CDK11A: variants seen among roughly 807,000 people sequenced by gnomAD.
CDK11A encodes cyclin dependent kinase 11A.
Under a neutral mutation model 83.6 loss-of-function variants are expected in CDK11A, and 55 were observed. The ratio of observed to expected loss-of-function variants is 0.66; its 90% CI spans 0.53 to 0.82. The LOEUF (loss-of-function observed/expected upper bound fraction) is 0.82. Among genes scored for constraint, CDK11A ranks in the 40% least tolerant of loss-of-function variants. The pLI, the probability that CDK11A is intolerant of heterozygous loss-of-function variation, is 0.00. For missense variants in CDK11A, 564 were observed against 810.1 expected (o/e 0.70, Z 3.69); for synonymous variants, 247 against 302.7 (o/e 0.82, Z 1.91).
chr1:1,705,821 G>A lies in CDK11A; in HGVS notation c.1246-89C>T, dbSNP rs1182973671. ...TCCACAGGCACGGCACACCCAGCAC[G>A]GGGCAGGTGCAGGGCAGAGCCTTGG... On this transcript the variant is annotated intron_variant, in intron 11 of 19. Transcript: ENST00000404249. 6.0e-6 allele frequency: 3 copies of A among 496,520 alleles called. 1 individual carries two copies. Among genetic ancestry groups the A allele is most frequent in the Non-Finnish European group, 1.0e-5 (3 of 293,592 alleles). The allele number at this position is 496,520 out of a possible 1,614,324, so 30.8% of individuals were successfully genotyped here. A position where few individuals can be genotyped will look rare whatever the true frequency, so the allele number is the denominator to read the frequency against.
chr1:1,720,068 C>CTTATTTATTTAATTTAATTTTAT (rs1644846259), intron 3 of CDK11A, among the ~76,000 whole-genome samples: 1 of 150,654 alleles, frequency 6.6e-6, no homozygotes, highest in Admixed American at 6.7e-5. Context: ...TACATCACAT[C>CTTATTTATTTAATTTAATTTTAT]TTATTTATTT....
Position 1,716,334 on chromosome 1 carries a change from C to T in CDK11A, c.488+12G>A, listed in dbSNP as rs1644642913. ...CCTTTCATAAAGTCCTCAACTGACC[C>T]AGCCCACTCACCTTTCTCTCCTGGA... is the stretch of plus-strand genomic sequence containing the variant. On this transcript the variant is annotated intron_variant, in intron 5 of 19. Coordinates refer to ENST00000404249, the MANE Select transcript of CDK11A (RefSeq NM_024011.4). 2 of 1,608,170 alleles carry T rather than the reference C, an allele frequency of 1.2e-6. No individual in the cohort carries two copies. The highest frequency in any genetic ancestry group is 2.7e-5 in the African/African-American group (2 of 74,574).
intron 4 of CDK11A, among the ~76,000 whole-genome samples, chr1:1,718,545 G>A (rs932557008): frequency 1.3e-5 from 2 of 149,940 alleles, no homozygotes; most frequent in African/African-American, 2.5e-5. Context: ...TCTGGTTTTC[G>A]GTCTGTGACA....
intron 12 of CDK11A, among the ~76,000 whole-genome samples, 186 bp from the exon 13 acceptor site, chr1:1,705,211 G>A (rs1243930823): frequency 4.0e-5 from 5 of 123,584 alleles, no homozygotes; most frequent in Non-Finnish European, 6.0e-5. Flanking sequence ...CAACACCCAC[G>A]GCTTCCCACT....
chr1:1,717,443 G>A (rs941304174), intron 4 of CDK11A, among the ~76,000 whole-genome samples: 4 of 151,172 alleles, frequency 2.6e-5, no homozygotes, highest in Non-Finnish European at 5.9e-5. Context: ...CCATTCTTTG[G>A]ACTTGAGCAA....
At chr1:1,704,017 C>T (rs1644198181) in intron 16 of CDK11A, 22 bp downstream of exon 16, 2 of 1,600,018 alleles carry the variant, frequency 1.2e-6, no homozygotes, top group African/African-American at 1.3e-5. Flanking sequence ...ACAGGGGAGG[C>T]ACTCAGACGC....
At position 1,705,013 on chromosome 1, in the gene CDK11A, GC is replaced by G; in HGVS notation, c.1348del (p.Ala450LeufsTer2). 6.3e-7 allele frequency: 1 copy of G among 1,596,506 alleles called. No individual in the cohort carries two copies. The highest frequency in any genetic ancestry group is 8.5e-7 in the Non-Finnish European group (1 of 1,173,716). Reference protein sequence around the residue: ...AKDKKTDEIVALKRLKMEKEK... With the variant: ...AKDKKTDEIVXLKRLKMEKEK... ...CTTCTCCATCTTCAGCCGCTTTAGAGCCACAATTTCATCTGTGAAGAAAATA... is the reference window on the plus strand; with the variant it reads ...CTTCTCCATCTTCAGCCGCTTTAGAGCACAATTTCATCTGTGAAGAAAATA... On this transcript the variant is annotated frameshift_variant, in exon 13 of 20. Transcript: ENST00000404249. LOFTEE classifies it high-confidence loss of function.
In CDK11A at chr1:1,703,489, C is replaced by T. The variant is rs368698821; in HGVS notation, c.2047G>A (p.Asp683Asn). Reference sequence around the variant, plus strand: ...CACTGGGCTCACTTGTTCATGAGGTCGAAGCCCTGGTCTGAGAGCAGAGCC... The same window carrying T: ...CACTGGGCTCACTTGTTCATGAGGTTGAAGCCCTGGTCTGAGAGCAGAGCC... ...FGALLSDQGF[D>N]LMNKFLTYFP... The change falls in exon 18 of 20, where the codon GAC (aspartate) becomes AAC (asparagine). Residue 683 changes from aspartate (D) to asparagine (N), a missense_variant. Transcript: ENST00000404249. 2.7e-4 allele frequency: 415 copies of T among 1,526,524 alleles called. 19 individuals are homozygous for T. The highest frequency in any genetic ancestry group is 1.1e-3 in the Admixed American group (57 of 50,232). The allele number at this position is 1,526,524 out of a possible 1,614,324, so 94.6% of individuals were successfully genotyped here. A position where few individuals can be genotyped will look rare whatever the true frequency, so the allele number is the denominator to read the frequency against.
At chr1:1,719,133 G>T in intron 4 of CDK11A, 195 bp downstream of exon 4, 1 of 390,198 alleles carries the variant, frequency 2.6e-6, no homozygotes, top group Non-Finnish European at 4.5e-6. Flanking sequence ...TAGCCCCTCT[G>T]AATGGTCTGT....
At position 1,708,474 on chromosome 1, in the gene CDK11A, C is replaced by T. The variant is rs144779393; in HGVS notation, c.1004-229G>A. Among the ~76,000 whole-genome samples, 21 of 135,262 alleles carry T rather than the reference C, an allele frequency of 1.6e-4. 1 individual carries two copies. Among genetic ancestry groups the T allele is most frequent in the African/African-American group, 4.8e-4 (17 of 35,398 alleles). The allele number at this position is 135,262 out of a possible 152,430, so 88.7% of individuals were successfully genotyped here. A position where few individuals can be genotyped will look rare whatever the true frequency, so the allele number is the denominator to read the frequency against. On this transcript the variant is annotated intron_variant, in intron 9 of 19. Transcript: ENST00000404249. ...TGGCCAACGTGGTGAAACCCCGTCTCGACTAAAAATACAAAAATTATCCGG... is the reference window on the plus strand; with the variant it reads ...TGGCCAACGTGGTGAAACCCCGTCTTGACTAAAAATACAAAAATTATCCGG...
At position 1,703,208 on chromosome 1, in the gene CDK11A, A is replaced by T; in HGVS notation, c.2122T>A (p.Phe708Ile). 1 of 434,030 alleles carries T rather than the reference A, an allele frequency of 2.3e-6. No individual in the cohort carries two copies. The highest frequency in any genetic ancestry group is 3.8e-6 in the Non-Finnish European group (1 of 263,132). 26.9% of individuals were successfully genotyped at this position (434,030 alleles called of 1,614,324 possible). A position where few individuals can be genotyped will look rare whatever the true frequency, so the allele number is the denominator to read the frequency against. ...SAEDGLKHEY[F>I]RETPLPIDPS... ...TCGATGGGGAGGGGGGTCTCGCGGA[A>T]ATACTCATGCTTGAGGCCGTCCTCA... is the stretch of plus-strand genomic sequence containing the variant. The change falls in exon 19 of 20, where the codon TTC (phenylalanine) becomes ATC (isoleucine). Residue 708 changes from phenylalanine (F) to isoleucine (I), a missense_variant. This residue lies in a region of CDK11A where 361 missense variants were observed against 402.7 expected (regional missense o/e 0.90). Coordinates refer to ENST00000404249, the MANE Select transcript of CDK11A (RefSeq NM_024011.4).
intron 2 of CDK11A, among the ~76,000 whole-genome samples, chr1:1,722,088 C>T (rs1644927035): frequency 6.6e-6 from 1 of 150,570 alleles, no homozygotes; most frequent in Non-Finnish European, 1.5e-5. Context: ...CCCTGGGCGA[C>T]AGTGCGAGAT....
rs1644136727 is a variant in CDK11A, at chr1:1,702,862, G to C, written c.*45C>G. 3.2e-6 allele frequency: 1 copy of C among 316,640 alleles called. No individual in the cohort carries two copies. The highest frequency in any genetic ancestry group is 5.9e-5 in the Admixed American group (1 of 16,816). The allele number at this position is 316,640 out of a possible 1,614,324, so 19.6% of individuals were successfully genotyped here. A position where few individuals can be genotyped will look rare whatever the true frequency, so the allele number is the denominator to read the frequency against. ...AGCTCCAGCCGCAGTAGCCACGCCT[G>C]TGGTCCCGGCTGAGTTCTCCCCATG... On this transcript the variant is annotated 3_prime_UTR_variant, in exon 20 of 20. Coordinates refer to ENST00000404249, the MANE Select transcript of CDK11A (RefSeq NM_024011.4).
At position 1,704,031 on chromosome 1, in the gene CDK11A, G is replaced by C. The variant is rs1369273512; in HGVS notation, c.1794+8C>G. On this transcript the variant is annotated splice_region_variant and intron_variant, in intron 16 of 19. Coordinates refer to ENST00000404249, the MANE Select transcript of CDK11A (RefSeq NM_024011.4). ...GACAGGGGAGGCACTCAGACGCCCA[G>C]GACTCACCTTGGCACCAAGCAGCAG... The C allele has an allele frequency of 1.3e-6, 2 of 1,597,962 alleles. No individual in the cohort carries two copies. The highest frequency in any genetic ancestry group is 1.7e-6 in the Non-Finnish European group (2 of 1,170,312).
At position 1,704,940 on chromosome 1, in the gene CDK11A, G is replaced by T; in HGVS notation, c.1422C>A (p.Ile474=). 3 of 1,597,254 alleles carry T rather than the reference G, an allele frequency of 1.9e-6. No individual in the cohort carries two copies. The highest frequency in any genetic ancestry group is 2.6e-6 in the Non-Finnish European group (3 of 1,172,948). ...CAATGTTGGGATGCTGGGCCTTGAG[G>T]ATGGTGTTGATCTCCCTCAGGGACG... ...PITSLREINT[I]LKAQHPNIVT... is the part of the protein sequence containing the mutation. The change falls in exon 13 of 20, where the codon ATC becomes ATA. Residue 474 remains isoleucine, a synonymous_variant. Transcript: ENST00000404249.
chr1:1,719,348 T>C lies in CDK11A; in HGVS notation c.335A>G (p.His112Arg), dbSNP rs1137003. 15 of 1,531,878 alleles carry C rather than the reference T, an allele frequency of 9.8e-6. 1 individual carries two copies. Among genetic ancestry groups the C allele is most frequent in the Middle Eastern group, 1.7e-4 (1 of 5,810 alleles). 94.9% of individuals were successfully genotyped at this position (1,531,878 alleles called of 1,614,324 possible). ...TGTACCCCCTTCTGCTGAATGGCTA[T>C]GATGCCTACATTTTTCTTTTCTCTT... ...DEKRKEKCRH[H>R]SHSAEGGKHA... The change falls in exon 4 of 20, where the codon CAT (histidine) becomes CGT (arginine). Residue 112 changes from histidine (H) to arginine (R), a missense_variant. This residue lies in a region of CDK11A where 151 missense variants were observed against 147.4 expected (regional missense o/e 1.02). Transcript: ENST00000404249.
rs1187499032 is a variant in CDK11A at position 1,705,795 on chromosome 1, G to A, written c.1246-63C>T. On this transcript the variant is annotated intron_variant, in intron 11 of 19. Transcript: ENST00000404249. ...TGCCAGCTGGAGGGAGGGCGGCTGC[G>A]TCCACAGGCACGGCACACCCAGCAC... is the stretch of plus-strand genomic sequence containing the variant. 16 of 523,264 alleles carry A rather than the reference G, an allele frequency of 3.1e-5. 3 individuals carry two copies. Among genetic ancestry groups the A allele is most frequent in the Admixed American group, 5.7e-5 (2 of 34,858 alleles). The allele number at this position is 523,264 out of a possible 1,614,324, so 32.4% of individuals were successfully genotyped here.
chr1:1,708,475 G>A (rs1570392171), intron 9 of CDK11A, among the ~76,000 whole-genome samples: 1 of 137,350 alleles, frequency 7.3e-6, no homozygotes, highest in East Asian at 2.0e-4. Context: ...ACCCCGTCTC[G>A]ACTAAAAATA....
intron 10 of CDK11A, among the ~76,000 whole-genome samples, chr1:1,707,826 A>C (rs2101188239): frequency 7.3e-6 from 1 of 136,954 alleles, no homozygotes. Context: ...GGACAAGCCC[A>C]CATCCACGTC....
Sources: allele counts gnomAD v4.1 joint callset (sites outside exome capture counted in the v4.1 genomes callset), GRCh38; gene constraint gnomAD v4.1.1; regional missense constraint gnomAD v4.1.1; transcripts MANE v1.5; gene names NCBI Gene and HGNC (gene_info 2026-07-23, HGNC 2026-07-21).